Variants in ETV3L observed in about 807,000 individuals in gnomAD.
The protein encoded by ETV3L is ETS variant transcription factor 3 like.
ETV3L carries 30 observed loss-of-function variants against 27.6 expected under a neutral mutation model. The observed-to-expected ratio is 1.09, with a 90% CI of 0.81 to 1.48. The LOEUF (loss-of-function observed/expected upper bound fraction) is 1.48. Ranked by LOEUF, ETV3L falls within the 40% of genes most tolerant of loss-of-function variation. ETV3L has a pLI of 0.00. For synonymous variants in ETV3L, 186 were observed against 188.9 expected, an observed-to-expected ratio of 0.98 and a Z score of 0.12; for missense variants, 443 against 455.6, an observed-to-expected ratio of 0.97 and a Z score of 0.25.
intron 1 of ETV3L, 24 bp from the exon 2 acceptor site, chr1:157,099,402 G>T: frequency 6.2e-7 from 1 of 1,614,088 alleles, no homozygotes; most frequent in South Asian, 1.1e-5. Context: ...GGAGAGTGAG[G>T]GCTCTGGAGG....
chr1:157,093,838 G>T (rs975694396), intron 4 of ETV3L, among the ~76,000 whole-genome samples: 7 of 152,034 alleles, frequency 4.6e-5, no homozygotes, highest in African/African-American at 1.7e-4. Context: ...TCACTCTTTG[G>T]AGAAGACTTC....
At chr1:157,098,097 A>G (rs1471509868) in intron 3 of ETV3L, 109 bp from the exon 4 acceptor site, 11 of 1,305,496 alleles carry the variant, frequency 8.4e-6, no homozygotes, top group African/African-American at 3.1e-5. Context: ...ATACTCTCAT[A>G]CCGATTTTTT....
In ETV3L at chr1:157,098,906, C is replaced by A. The variant is rs754950481; in HGVS notation, c.297-11G>T. Reference sequence around the variant, plus strand: ...TTATTGTAGTAATATCTGGAGAATTCGAAGTTGAGAATAGAGTTGGCCCAG... The same window carrying A: ...TTATTGTAGTAATATCTGGAGAATTAGAAGTTGAGAATAGAGTTGGCCCAG... On this transcript the variant is annotated splice_polypyrimidine_tract_variant and intron_variant, in intron 2 of 4. Transcript: ENST00000454449. 3 of 1,603,768 alleles carry A rather than the reference C, an allele frequency of 1.9e-6. No homozygotes were observed. The highest frequency in any genetic ancestry group is 2.2e-5 in the South Asian group (2 of 89,460).
Position 157,099,656 on chromosome 1 carries a change from G to A in ETV3L, c.-133C>T. 3 of 725,646 alleles carry A rather than the reference G, an allele frequency of 4.1e-6. No homozygotes were observed. The highest frequency in any genetic ancestry group is 4.7e-6 in the Non-Finnish European group (2 of 428,722). 45.0% of individuals were successfully genotyped at this position (725,646 alleles called of 1,614,324 possible). ...AAATGGAGGGAAAGAAGGAAGGAAGGGAGAGGGTCAGGAAAGAAAGAGAGA... is the reference window on the plus strand; with the variant it reads ...AAATGGAGGGAAAGAAGGAAGGAAGAGAGAGGGTCAGGAAAGAAAGAGAGA... On this transcript the variant is annotated 5_prime_UTR_variant, in exon 1 of 5. Coordinates refer to ENST00000454449, the MANE Select transcript of ETV3L (RefSeq NM_001004341.2).
chr1:157,099,781 C>G lies in ETV3L; in HGVS notation c.-258G>C, dbSNP rs915876558. 1.7e-6 allele frequency: 1 copy of G among 584,290 alleles called. No homozygotes were observed. The highest frequency in any genetic ancestry group is 3.1e-5 in the Admixed American group (1 of 32,518). 36.2% of individuals were successfully genotyped at this position (584,290 alleles called of 1,614,324 possible). A position where few individuals can be genotyped will look rare whatever the true frequency, so the allele number is the denominator to read the frequency against. ...ACAGGGCCCAGCCCCCTCTGGGGACCTCCCCGCTGCCCAGGGCTGACTCGG... is the reference window on the plus strand; with the variant it reads ...ACAGGGCCCAGCCCCCTCTGGGGACGTCCCCGCTGCCCAGGGCTGACTCGG... On this transcript the variant is annotated 5_prime_UTR_variant, in exon 1 of 5. Transcript: ENST00000454449.
intron 2 of ETV3L, 53 bp from the exon 3 acceptor site, chr1:157,098,948 T>A: frequency 2.6e-6 from 4 of 1,549,030 alleles, no homozygotes; most frequent in Non-Finnish European, 3.5e-6. Flanking sequence ...GAGAATAGAG[T>A]CAGGGACCCA....
intron 4 of ETV3L, among the ~76,000 whole-genome samples, chr1:157,097,435 T>C (rs943361397): frequency 7.0e-6 from 1 of 143,452 alleles, no homozygotes; most frequent in Non-Finnish European, 1.5e-5. Flanking sequence ...ATCCTGCCAC[T>C]GTGTTCCAGC....
At position 157,097,915 on chromosome 1, in the gene ETV3L, G is replaced by A. The variant is rs746784005; in HGVS notation, c.560C>T (p.Pro187Leu). The change falls in exon 4 of 5, where the codon CCA becomes CTA. Residue 187 changes from proline (P) to leucine (L), a missense_variant. Pro to Leu is a moderately conservative substitution (Grantham distance 98). Transcript: ENST00000454449. ...QLTGQQTPRG[P>L]PETSGDKKGS... ...CTTCTTATCCCCAGAGGTCTCTGGT[G>A]GCCCTCGGGGGGTCTGCTGTCCTGT... is the stretch of plus-strand genomic sequence containing the variant. 11 of 1,613,698 alleles carry A rather than the reference G, an allele frequency of 6.8e-6. No homozygotes were observed. In the Admixed American group the frequency reaches 1.8e-4, roughly 27 times the overall value.
chr1:157,097,994 G>A lies in ETV3L; in HGVS notation c.487-6C>T. 1 of 1,599,584 alleles carries A rather than the reference G, an allele frequency of 6.3e-7. No homozygotes were observed. Among genetic ancestry groups the A allele is most frequent in the African/African-American group, 1.3e-5 (1 of 74,620 alleles). ...AATAGCATGCTGTGCAGGAGCTGAG[G>A]GGTGAGAAGTAGGTGCGAGGTGTGA... On this transcript the variant is annotated splice_region_variant and splice_polypyrimidine_tract_variant and intron_variant, in intron 3 of 4. Coordinates refer to ENST00000454449, the MANE Select transcript of ETV3L (RefSeq NM_001004341.2).
chr1:157,098,786 C>T lies in ETV3L; in HGVS notation c.406G>A (p.Ala136Thr), dbSNP rs558730616. 6.8e-6 allele frequency: 11 copies of T among 1,613,948 alleles called. No individual in the cohort carries two copies. In the East Asian group the frequency reaches 2.2e-4, roughly 33 times the overall value. The part of the protein sequence containing the change: ...VVNYPLWEVR[A>T]PPSPHLLLGA... ...AGCAGCAAGTGGGGGGATGGCGGCGCCCGCACTTCCCACAAAGGATAGTTG... is the reference window on the plus strand; with the variant it reads ...AGCAGCAAGTGGGGGGATGGCGGCGTCCGCACTTCCCACAAAGGATAGTTG... The change falls in exon 3 of 5, where the codon GCG becomes ACG. Residue 136 changes from alanine to threonine, a missense_variant. Physicochemically the swap from Ala to Thr is moderately conservative, Grantham distance 58. Coordinates refer to ENST00000454449, the MANE Select transcript of ETV3L (RefSeq NM_001004341.2).
In ETV3L at chr1:157,098,690, C is replaced by T; in HGVS notation, c.486+16G>A. ...ACCTGGTGGAGCCCTGAGACAGGGG[C>T]CACCTCCGCTCTTACCTCACTCTGC... On this transcript the variant is annotated intron_variant, in intron 3 of 4. Transcript: ENST00000454449. 1 of 1,554,618 alleles carries T rather than the reference C, an allele frequency of 6.4e-7. No individual in the cohort carries two copies. The highest frequency in any genetic ancestry group is 1.2e-5 in the South Asian group (1 of 81,324).
chr1:157,092,659 T>A lies in ETV3L; in HGVS notation c.1076A>T (p.Asp359Val). Residue 359 changes from aspartate (D) to valine (V), a missense_variant, in exon 5 of 5, where the codon GAT (aspartate) becomes GTT (valine). Transcript: ENST00000454449. ...LENLKAVWPLDPP is the reference protein window; with the variant it reads ...LENLKAVWPLVPP ...CACCTTCCTCTCTAGTTAAGGAGGATCCAAGGGCCACACTGCTTTGAGGTT... is the reference window on the plus strand; with the variant it reads ...CACCTTCCTCTCTAGTTAAGGAGGAACCAAGGGCCACACTGCTTTGAGGTT... 2 of 1,605,572 alleles carry A rather than the reference T, an allele frequency of 1.2e-6. No individual in the cohort carries two copies. The highest frequency in any genetic ancestry group is 1.7e-6 in the Non-Finnish European group (2 of 1,175,884).
intron 4 of ETV3L, among the ~76,000 whole-genome samples, chr1:157,097,212 C>T (rs1047779376): frequency 2.0e-5 from 3 of 152,034 alleles, no homozygotes; most frequent in Admixed American, 1.3e-4. Context: ...GTGTCTCACA[C>T]CTGTAATCCC....
intron 4 of ETV3L, among the ~76,000 whole-genome samples, chr1:157,095,995 C>G (rs1674210848): frequency 6.6e-6 from 1 of 152,186 alleles, no homozygotes; most frequent in African/African-American, 2.4e-5. Flanking sequence ...CTGATGTCTG[C>G]CTCCATTTCC....
At chr1:157,096,331 A>G (rs749756074) in intron 4 of ETV3L, among the ~76,000 whole-genome samples, 5 of 152,138 alleles carry the variant, frequency 3.3e-5, no homozygotes, top group Non-Finnish European at 7.4e-5. Context: ...CCTTGCCTAT[A>G]AGTCCCATAA....
chr1:157,094,442 A>T (rs1674182545), intron 4 of ETV3L, among the ~76,000 whole-genome samples: 1 of 152,200 alleles, frequency 6.6e-6, no homozygotes, highest in African/African-American at 2.4e-5. Flanking sequence ...AGGGCCCTAC[A>T]ATAGGGCCTC....
chr1:157,098,456 C>T (rs1383885627), intron 3 of ETV3L, among the ~76,000 whole-genome samples: 1 of 152,152 alleles, frequency 6.6e-6, no homozygotes, highest in African/African-American at 2.4e-5. Context: ...ATGCCCTGGG[C>T]CCTTCCCTCT....
Position 157,099,600 on chromosome 1 carries a change from G to A in ETV3L, c.-77C>T. On this transcript the variant is annotated 5_prime_UTR_variant, in exon 1 of 5. Transcript: ENST00000454449. Reference sequence around the variant, plus strand: ...ACTTAAGAGGAAGGGAAGGAAGGAGGCAGAGGGGAGGACAGTGAAAGAGGA... The same window carrying A: ...ACTTAAGAGGAAGGGAAGGAAGGAGACAGAGGGGAGGACAGTGAAAGAGGA... The A allele has an allele frequency of 8.4e-7, 1 of 1,183,514 alleles. No homozygotes were observed. The highest frequency in any genetic ancestry group is 1.2e-6 in the Non-Finnish European group (1 of 815,938). The allele number at this position is 1,183,514 out of a possible 1,614,324, so 73.3% of individuals were successfully genotyped here. A position where few individuals can be genotyped will look rare whatever the true frequency, so the allele number is the denominator to read the frequency against.
At position 157,099,550 on chromosome 1, in the gene ETV3L, T is replaced by C. The variant is rs757216253; in HGVS notation, c.-27A>G. On this transcript the variant is annotated 5_prime_UTR_variant, in exon 1 of 5. Coordinates refer to ENST00000454449, the MANE Select transcript of ETV3L (RefSeq NM_001004341.2). Reference sequence around the variant, plus strand: ...GTCCACTCCGGCGAGATGGGCTGTGTCTGGGCCTTGGGGAAATGGTCACCA... The same window carrying C: ...GTCCACTCCGGCGAGATGGGCTGTGCCTGGGCCTTGGGGAAATGGTCACCA... 2.5e-6 allele frequency: 4 copies of C among 1,591,898 alleles called. No homozygotes were observed. The South Asian group carries it at 4.5e-5, about 18-fold the overall frequency.
Sources: allele counts gnomAD v4.1 joint callset (sites outside exome capture counted in the v4.1 genomes callset), GRCh38; gene constraint gnomAD v4.1.1; transcripts MANE v1.5; gene names NCBI Gene and HGNC (gene_info 2026-07-23, HGNC 2026-07-21).